ZC3H14: variants seen among roughly 807,000 people sequenced by gnomAD.
ZC3H14 encodes the protein zinc finger CCCH domain-containing protein 14.
In ZC3H14, 31 loss-of-function variants were observed where a neutral mutation model predicts 92.4. That is an observed-to-expected ratio of 0.34 (90% CI 0.25 to 0.45). ZC3H14 has a LOEUF of 0.45. Among genes scored for constraint, ZC3H14 ranks in the 20% least tolerant of loss-of-function variants. The pLI, the probability that ZC3H14 is intolerant of heterozygous loss-of-function variation, is 1.00. For synonymous variants in ZC3H14, 321 were observed against 300.9 expected, an observed-to-expected ratio of 1.07 and a Z score of -0.69; for missense variants, 781 against 897.3, an observed-to-expected ratio of 0.87 and a Z score of 1.66.
At chr14:88,602,293 T>G (rs1305090640) in intron 11 of ZC3H14, among the ~76,000 whole-genome samples, 4 of 152,202 alleles carry the variant, frequency 2.6e-5, no homozygotes, top group Non-Finnish European at 1.5e-5. Flanking sequence ...ACCTACAAAT[T>G]ACAACTCAGT....
intron 9 of ZC3H14, chr14:88,594,813 C>T: frequency 6.2e-7 from 1 of 1,614,024 alleles, no homozygotes; most frequent in Non-Finnish European, 8.5e-7. Flanking sequence ...TAACAAGCTC[C>T]TCTTGTTCAC....
intron 13 of ZC3H14, chr14:88,609,040 G>A (rs536713472): frequency 1.9e-6 from 1 of 539,954 alleles, no homozygotes; most frequent in African/African-American, 1.9e-5. Context: ...CTTTCTTGGT[G>A]GCTTGGCTTG....
chr14:88,605,408 T>C (rs760870861), intron 12 of ZC3H14, among the ~76,000 whole-genome samples: 2 of 152,244 alleles, frequency 1.3e-5, no homozygotes, highest in Non-Finnish European at 2.9e-5. Context: ...CATGGCTCAC[T>C]GCAGCCTCCA....
Position 88,611,852 on chromosome 14 carries a change from T to C in ZC3H14, c.*101T>C. ...TGTCAAATCTTTGAAACTTGGAATA[T>C]ATTGCTTTCATAATATGAAGTTTTA... On this transcript the variant is annotated 3_prime_UTR_variant, in exon 17 of 17. Coordinates refer to ENST00000251038, the MANE Select transcript of ZC3H14 (RefSeq NM_024824.5). The C allele has an allele frequency of 6.6e-7, 1 of 1,511,264 alleles. No homozygotes were observed. Among genetic ancestry groups the C allele is most frequent in the South Asian group, 1.2e-5 (1 of 85,200 alleles). 93.6% of individuals were successfully genotyped at this position (1,511,264 alleles called of 1,614,324 possible).
chr14:88,609,463 T>G, intron 14 of ZC3H14, 60 bp downstream of exon 14: 1 of 1,610,590 alleles, frequency 6.2e-7, no homozygotes, highest in South Asian at 1.1e-5. Context: ...ATTTTGTGAC[T>G]GTAAATGGAA....
intron 10 of ZC3H14, among the ~76,000 whole-genome samples, chr14:88,599,620 G>A (rs888316008): frequency 6.6e-6 from 1 of 152,110 alleles, no homozygotes; most frequent in South Asian, 2.1e-4. Flanking sequence ...TGACCTTTCG[G>A]CTTCCAGTTC....
chr14:88,595,007 C>A, intron 9 of ZC3H14: 1 of 1,613,766 alleles, frequency 6.2e-7, no homozygotes, highest in Non-Finnish European at 8.5e-7. Flanking sequence ...TATTCAACAA[C>A]ATATGAATGC....
intron 10 of ZC3H14, 148 bp from the exon 11 acceptor site, chr14:88,601,776 A>C: frequency 1.1e-6 from 1 of 895,196 alleles, no homozygotes; most frequent in East Asian, 2.8e-5. Context: ...ATAGAATTAT[A>C]GCCCTGTTTT....
Position 88,611,356 on chromosome 14 carries a change from A to G in ZC3H14, c.2205-389A>G, listed in dbSNP as rs147086162. 1.3e-3 allele frequency among the ~76,000 whole-genome samples: 192 copies of G among 152,208 alleles called. 1 individual carries two copies. In the East Asian group the frequency reaches 0.029, roughly 23 times the overall value. On this transcript the variant is annotated intron_variant, in intron 16 of 16. Coordinates refer to ENST00000251038, the MANE Select transcript of ZC3H14 (RefSeq NM_024824.5). The stretch of plus-strand genomic sequence containing the variant: ...GATATCCTTCCACCGTGGCCTTCCA[A>G]AGTACCAGGATTACAGGCATGAGCC...
chr14:88,568,205 T>A (rs116898189), intron 3 of ZC3H14, 52 bp downstream of exon 3: 2 of 1,468,644 alleles, frequency 1.4e-6, no homozygotes, highest in South Asian at 2.3e-5. Flanking sequence ...CAAGCCTGAG[T>A]TGATATTCTG....
At chr14:88,574,551 A>G in intron 6 of ZC3H14, 142 bp from the exon 7 acceptor site, 1 of 1,068,400 alleles carries the variant, frequency 9.4e-7, no homozygotes, top group Non-Finnish European at 1.4e-6. Flanking sequence ...CCTCATATTT[A>G]TATTTTTACA....
Position 88,575,877 on chromosome 14 carries a change from C to T in ZC3H14, c.1060C>T (p.Leu354=). ...ACCTTCTAAACAAGCTAACAAGAAT[C>T]TGATTTTGAAGGCTATATCTGAAGC... ...LPPSKQANKN[L]ILKAISEAQE... The change falls in exon 8 of 17, where the codon CTG becomes TTG. Residue 354 remains leucine (L), a synonymous_variant. Transcript: ENST00000251038. 1 of 1,613,882 alleles carries T rather than the reference C, an allele frequency of 6.2e-7. No individual in the cohort carries two copies. Among genetic ancestry groups the T allele is most frequent in the Non-Finnish European group, 8.5e-7 (1 of 1,179,912 alleles).
At position 88,626,596 on chromosome 14, in the gene ZC3H14, G is replaced by A. The variant is rs2089976401; in HGVS notation, c.*14845G>A. On this transcript the variant is annotated 3_prime_UTR_variant, in exon 17 of 17. Transcript: ENST00000251038. ...CGCACCATTGCACCCCAGCCCAGGC[G>A]ACAGAGTGAGATACTGTGTCAAAAA... 8.5e-6 allele frequency: 4 copies of A among 469,304 alleles called. No homozygotes were observed. Among genetic ancestry groups the A allele is most frequent in the African/African-American group, 4.0e-5 (2 of 50,446 alleles). 29.1% of individuals were successfully genotyped at this position (469,304 alleles called of 1,614,324 possible). A position where few individuals can be genotyped will look rare whatever the true frequency, so the allele number is the denominator to read the frequency against.
In ZC3H14 at chr14:88,563,083, C is replaced by T; in HGVS notation, c.-51C>T. 1.9e-6 allele frequency: 3 copies of T among 1,554,388 alleles called. No individual in the cohort carries two copies. The highest frequency in any genetic ancestry group is 1.4e-5 in the African/African-American group (1 of 73,282). On this transcript the variant is annotated 5_prime_UTR_variant, in exon 1 of 17. Transcript: ENST00000251038. ...GCGGGGTAGGAGTCCGCGGCAGCCT[C>T]CGGGTAAGCCAAGCGCCGCGCAGTG...
chr14:88,599,489 T>C (rs986696319), intron 10 of ZC3H14, among the ~76,000 whole-genome samples: 2 of 152,102 alleles, frequency 1.3e-5, no homozygotes, highest in Non-Finnish European at 2.9e-5. Flanking sequence ...GTCTGTCTGG[T>C]CTCCATGTGA....
chr14:88,587,561 G>T (rs1291860720), intron 9 of ZC3H14, among the ~76,000 whole-genome samples: 3 of 152,086 alleles, frequency 2.0e-5, no homozygotes, highest in African/African-American at 7.2e-5. Flanking sequence ...TATTGTCAAA[G>T]CTGATCAAAT....
In ZC3H14 at chr14:88,612,852, CAG is replaced by C. The variant is rs1318219737; in HGVS notation, c.*1103_*1104del. ...TGTCAAATGCTTTAGAGTTAAATAA[CAG>C]ATCACTGATTTCAAAGACTTGGTGT... On this transcript the variant is annotated 3_prime_UTR_variant, in exon 17 of 17. Transcript: ENST00000251038. 3 of 152,160 alleles carry C rather than the reference CAG, an allele frequency of 2.0e-5. No individual in the cohort carries two copies. The highest frequency in any genetic ancestry group is 6.6e-5 in the Admixed American group (1 of 15,184). 9.4% of individuals were successfully genotyped at this position (152,160 alleles called of 1,614,324 possible).
In ZC3H14 at chr14:88,617,965, TAAG is replaced by T; in HGVS notation, c.*6217_*6219del. The T allele has an allele frequency of 3.7e-6, 1 of 268,680 alleles. No individual in the cohort carries two copies. The highest frequency in any genetic ancestry group is 8.5e-5 in the South Asian group (1 of 11,720). 16.6% of individuals were successfully genotyped at this position (268,680 alleles called of 1,614,324 possible). On this transcript the variant is annotated 3_prime_UTR_variant, in exon 17 of 17. Coordinates refer to ENST00000251038, the MANE Select transcript of ZC3H14 (RefSeq NM_024824.5). The stretch of plus-strand genomic sequence containing the variant: ...TTTTGCCAGTCATTAAATTTAGCAT[TAAG>T]AAAAATATCAGGGTATCTTTAAAGT...
Position 88,617,150 on chromosome 14 carries a change from CTT to C in ZC3H14, c.*5411_*5412del, listed in dbSNP as rs1358683137. On this transcript the variant is annotated 3_prime_UTR_variant, in exon 17 of 17. Coordinates refer to ENST00000251038, the MANE Select transcript of ZC3H14 (RefSeq NM_024824.5). The stretch of plus-strand genomic sequence containing the variant: ...ATGAAAACTGATAGAACTATTTTTT[CTT>C]TTTTTTTTTTTGAGACGGAGTTTTC... 1.6e-3 allele frequency: 286 copies of C among 184,486 alleles called. No individual in the cohort carries two copies. Among genetic ancestry groups the C allele is most frequent in the East Asian group, 2.5e-3 (21 of 8,456 alleles). 11.4% of individuals were successfully genotyped at this position (184,486 alleles called of 1,614,324 possible).
Sources: allele counts gnomAD v4.1 joint callset (sites outside exome capture counted in the v4.1 genomes callset), GRCh38; gene constraint gnomAD v4.1.1; transcripts MANE v1.5; gene names NCBI Gene and HGNC (gene_info 2026-07-23, HGNC 2026-07-21).